Variants in SLC6A17 observed in about 807,000 individuals in gnomAD.
The protein encoded by SLC6A17 is solute carrier family 6 member 17.
A neutral mutation model predicts 64.5 loss-of-function variants in SLC6A17; 21 were observed. The observed-to-expected ratio is 0.33, with a 90% CI of 0.23 to 0.47. The LOEUF (loss-of-function observed/expected upper bound fraction) is 0.47. Ranked by LOEUF, SLC6A17 falls within the 20% of genes least tolerant of loss-of-function variation. SLC6A17 has a pLI of 1.00. For missense variants in SLC6A17, 682 were observed against 963.2 expected (o/e 0.71, Z 3.86); for synonymous variants, 372 against 399.5 (o/e 0.93, Z 0.82).
chr1:110,189,504 G>T (rs1020172503), intron 6 of SLC6A17, among the ~76,000 whole-genome samples: 1 of 152,178 alleles, frequency 6.6e-6, no homozygotes, highest in African/African-American at 2.4e-5. Flanking sequence ...CCCAGAAGCC[G>T]CTTCCTCGAA....
At chr1:110,152,903 TG>T (rs1655646514) in intron 1 of SLC6A17, among the ~76,000 whole-genome samples, 1 of 152,200 alleles carries the variant, frequency 6.6e-6, no homozygotes, top group Non-Finnish European at 1.5e-5. Flanking sequence ...TGCTCCATCA[TG>T]AAAGGGGTTG....
At chr1:110,172,306 A>G in intron 3 of SLC6A17, 89 bp downstream of exon 3, 2 of 1,473,998 alleles carry the variant, frequency 1.4e-6, no homozygotes, top group Non-Finnish European at 1.8e-6. Context: ...TCCAGGCCAG[A>G]GTCCTACGTC....
At chr1:110,163,958 C>A (rs1181533099) in intron 1 of SLC6A17, among the ~76,000 whole-genome samples, 5 of 152,156 alleles carry the variant, frequency 3.3e-5, no homozygotes, top group African/African-American at 1.2e-4. Context: ...GCTTGCTCCA[C>A]CCCTCCGGTG....
At chr1:110,177,401 C>T (rs1656403028) in intron 6 of SLC6A17, among the ~76,000 whole-genome samples, 1 of 152,176 alleles carries the variant, frequency 6.6e-6, no homozygotes, top group Non-Finnish European at 1.5e-5. Context: ...AGCAGAGGCA[C>T]GGGCATCCTG....
At chr1:110,176,185 C>T (rs962879805) in intron 5 of SLC6A17, among the ~76,000 whole-genome samples, 2 of 152,104 alleles carry the variant, frequency 1.3e-5, no homozygotes, top group Non-Finnish European at 2.9e-5. Context: ...GGGCTAGGGA[C>T]TTCTTCAGAT....
At position 110,169,648 on chromosome 1, in the gene SLC6A17, C is replaced by T. The variant is rs1656164820; in HGVS notation, c.287-2412C>T. On this transcript the variant is annotated intron_variant, in intron 2 of 11. Coordinates refer to ENST00000331565, the MANE Select transcript of SLC6A17 (RefSeq NM_001010898.4). Reference sequence around the variant, plus strand: ...CATAGATGATTAGAGATCCAGAAGGCCTCAGAGATCCTGGATCCTGGCCCT... The same window carrying T: ...CATAGATGATTAGAGATCCAGAAGGTCTCAGAGATCCTGGATCCTGGCCCT... Among the ~76,000 whole-genome samples the T allele has an allele frequency of 3.9e-5, 6 of 152,068 alleles. 1 individual carries two copies. Among genetic ancestry groups the T allele is most frequent in the Admixed American group, 3.9e-4 (6 of 15,260 alleles).
intron 8 of SLC6A17, among the ~76,000 whole-genome samples, chr1:110,193,553 T>G (rs1319535456): frequency 6.6e-6 from 1 of 152,206 alleles, no homozygotes; most frequent in African/African-American, 2.4e-5. Context: ...AACCCTGTCC[T>G]TCATGGGACT....
Position 110,171,969 on chromosome 1 carries a change from G to T in SLC6A17, c.287-91G>T. On this transcript the variant is annotated intron_variant, in intron 2 of 11. Coordinates refer to ENST00000331565, the MANE Select transcript of SLC6A17 (RefSeq NM_001010898.4). Reference sequence around the variant, plus strand: ...ACAATTTGCGGATGACCAGAGATGTGGCTGAGACTGGAAGACATGGCTGCG... The same window carrying T: ...ACAATTTGCGGATGACCAGAGATGTTGCTGAGACTGGAAGACATGGCTGCG... 4 of 1,510,878 alleles carry T rather than the reference G, an allele frequency of 2.6e-6. No homozygotes were observed. In the South Asian group the frequency reaches 5.0e-5, roughly 19 times the overall value. The allele number at this position is 1,510,878 out of a possible 1,614,324, so 93.6% of individuals were successfully genotyped here. A position where few individuals can be genotyped will look rare whatever the true frequency, so the allele number is the denominator to read the frequency against.
Position 110,198,451 on chromosome 1 carries a change from C to G in SLC6A17, c.*7C>G. The G allele has an allele frequency of 6.3e-7, 1 of 1,594,604 alleles. No individual in the cohort carries two copies. The highest frequency in any genetic ancestry group is 8.6e-7 in the Non-Finnish European group (1 of 1,169,496). ...CCCTGAGTCGGAGCTGTGACCACTG[C>G]CCAAGCCCTGCCCGCCTCTCCCCCC... On this transcript the variant is annotated 3_prime_UTR_variant, in exon 12 of 12. Coordinates refer to ENST00000331565, the MANE Select transcript of SLC6A17 (RefSeq NM_001010898.4).
At chr1:110,163,427 C>A (rs1305568768) in intron 1 of SLC6A17, among the ~76,000 whole-genome samples, 2 of 152,164 alleles carry the variant, frequency 1.3e-5, no homozygotes, top group African/African-American at 4.8e-5. Context: ...GTAAACAATG[C>A]AAGGCTTCCA....
chr1:110,157,428 C>A (rs1052576405), intron 1 of SLC6A17, among the ~76,000 whole-genome samples: 1 of 152,026 alleles, frequency 6.6e-6, no homozygotes, highest in African/African-American at 2.4e-5. Flanking sequence ...CAAAAATTAG[C>A]CGGGTGTGCT....
rs7527375 is a variant in SLC6A17 at position 110,167,097 on chromosome 1, T to A, written c.168T>A (p.Asp56Glu). 6.2e-7 allele frequency: 1 copy of A among 1,609,778 alleles called. No homozygotes were observed. Among genetic ancestry groups the A allele is most frequent in the African/African-American group, 1.4e-5 (1 of 74,010 alleles). ...GKQKAVEEEL[D>E]AEDRPAWNSK... ...AGAAGGCGGTGGAGGAGGAGCTGGA[T>A]GCAGAGGACCGGCCGGCCTGGAACA... The change falls in exon 2 of 12, where the codon GAT (aspartate) becomes GAA (glutamate). Residue 56 changes from aspartate to glutamate, a missense_variant. By Grantham distance (45) the Asp-to-Glu change is conservative. Around this residue, in one of 3 missense-constraint regions of SLC6A17, gnomAD observed 415 missense variants for 603.8 expected, o/e 0.69. Transcript: ENST00000331565.
intron 2 of SLC6A17, among the ~76,000 whole-genome samples, chr1:110,171,122 G>A (rs183745464): frequency 6.6e-6 from 1 of 152,172 alleles, no homozygotes. Flanking sequence ...ATGTTATGGG[G>A]GCAGAGCAGT....
intron 6 of SLC6A17, among the ~76,000 whole-genome samples, chr1:110,177,239 C>A (rs1307475982): frequency 6.6e-6 from 1 of 152,156 alleles, no homozygotes; most frequent in African/African-American, 2.4e-5. Flanking sequence ...GTACCCAAAT[C>A]AGAGGAAAGA....
rs1039545495 is a variant in SLC6A17, at chr1:110,165,311, G to T, written c.-87-1532G>T. 6.6e-5 allele frequency among the ~76,000 whole-genome samples: 10 copies of T among 152,268 alleles called. No individual in the cohort carries two copies. The South Asian group carries it at 2.1e-3, about 32-fold the overall frequency. On this transcript the variant is annotated intron_variant, in intron 1 of 11. Transcript: ENST00000331565. ...TTCCACAGATGCACAAGTGCCACCCGTGGGGCACCTTTTAGGATGCAATGG... is the reference window on the plus strand; with the variant it reads ...TTCCACAGATGCACAAGTGCCACCCTTGGGGCACCTTTTAGGATGCAATGG...
At chr1:110,157,231 C>T (rs1655782480) in intron 1 of SLC6A17, among the ~76,000 whole-genome samples, 1 of 152,132 alleles carries the variant, frequency 6.6e-6, no homozygotes, top group African/African-American at 2.4e-5. Context: ...GCTTACCTAC[C>T]CTCCCTGTTT....
rs67702050 is a variant in SLC6A17 at position 110,163,018 on chromosome 1, T to TAAA, written c.-87-3803_-87-3801dup. Among the ~76,000 whole-genome samples the TAAA allele has an allele frequency of 1.3e-3, 129 of 102,182 alleles. 1 individual carries two copies. Among genetic ancestry groups the TAAA allele is most frequent in the African/African-American group, 4.2e-3 (107 of 25,582 alleles). The allele number at this position is 102,182 out of a possible 152,430, so 67.0% of individuals were successfully genotyped here. The stretch of plus-strand genomic sequence containing the variant: ...GAGCAGGATCACCAACCCATGTTGG[T>TAAA]AAAAAAAAAAAAAAAAAAAAAAAAT... On this transcript the variant is annotated intron_variant, in intron 1 of 11. Transcript: ENST00000331565.
intron 1 of SLC6A17, among the ~76,000 whole-genome samples, chr1:110,158,989 G>T (rs994308813): frequency 1.3e-5 from 2 of 152,172 alleles, no homozygotes; most frequent in South Asian, 2.1e-4. Flanking sequence ...AAGGATCCTA[G>T]ATTCAATGAA....
In SLC6A17 at chr1:110,167,137, A is replaced by C. The variant is rs763251686; in HGVS notation, c.208A>C (p.Ile70Leu). 2 of 1,613,498 alleles carry C rather than the reference A, an allele frequency of 1.2e-6. No individual in the cohort carries two copies. The highest frequency in any genetic ancestry group is 1.3e-5 in the African/African-American group (1 of 74,746). ...GGCCTGGAACAGTAAGCTGCAGTAC[A>C]TCCTGGCCCAGATTGGCTTCTCTGT... Reference protein sequence around the residue: ...RPAWNSKLQYILAQIGFSVGL... With the variant: ...RPAWNSKLQYLLAQIGFSVGL... The change falls in exon 2 of 12, where the codon ATC (isoleucine) becomes CTC (leucine). Residue 70 changes from isoleucine (I) to leucine (L), a missense_variant. Ile to Leu is a conservative substitution (Grantham distance 5). This residue lies in a region of SLC6A17 where 415 missense variants were observed against 603.8 expected (regional missense o/e 0.69). Transcript: ENST00000331565.
Sources: gnomAD v4.1 joint callset for allele counts (sites outside exome capture counted in the v4.1 genomes callset) on GRCh38, gnomAD v4.1.1 for gene constraint, gnomAD v4.1.1 regional missense constraint, MANE v1.5 for transcripts, NCBI Gene and HGNC (gene_info 2026-07-23, HGNC 2026-07-21) for gene names.